Variants in CELF4 observed in about 807,000 individuals in gnomAD.
CELF4 encodes the protein CUGBP Elav-like family member 4.
A neutral mutation model predicts 59.9 loss-of-function variants in CELF4; 18 were observed. The observed-to-expected ratio is 0.30, with a 90% CI of 0.21 to 0.45. The LOEUF is 0.45. CELF4 is among the 20% of genes least tolerant of loss of function. The pLI, the probability that CELF4 is intolerant of heterozygous loss-of-function variation, is 1.00. For synonymous variants in CELF4, 261 were observed against 267.1 expected, an observed-to-expected ratio of 0.98 and a Z score of 0.22; for missense variants, 456 against 689.0, an observed-to-expected ratio of 0.66 and a Z score of 3.79.
chr18:37,565,232 C>G (rs1246224581), intron 1 of CELF4, 124 bp downstream of exon 1: 1 of 1,132,354 alleles, frequency 8.8e-7, no homozygotes, highest in African/African-American at 1.6e-5. Context: ...GAGCGCCTCC[C>G]TCCACCGCGC....
At chr18:37,477,495 T>C (rs1603642167) in intron 2 of CELF4, among the ~76,000 whole-genome samples, 1 of 152,154 alleles carries the variant, frequency 6.6e-6, no homozygotes, top group African/African-American at 2.4e-5. Context: ...TTGCAGGTGG[T>C]GGGACCTTTA....
intron 2 of CELF4, among the ~76,000 whole-genome samples, chr18:37,342,594 C>G (rs1243702803): frequency 6.6e-6 from 1 of 152,162 alleles, no homozygotes; most frequent in Non-Finnish European, 1.5e-5. Flanking sequence ...TCCACTGGGC[C>G]TCAGGTCTCC....
Position 37,491,406 on chromosome 18 carries a change from A to G in CELF4, c.287-5799T>C, listed in dbSNP as rs150819525. Reference sequence around the variant, plus strand: ...TCAGCCATGTCACCTTCTCCCACTTACCATTATTATTTACTTAATCCCTTC... The same window carrying G: ...TCAGCCATGTCACCTTCTCCCACTTGCCATTATTATTTACTTAATCCCTTC... On this transcript the variant is annotated intron_variant, in intron 1 of 12. Coordinates refer to ENST00000420428, the MANE Select transcript of CELF4 (RefSeq NM_020180.4). Among the ~76,000 whole-genome samples, 912 of 152,218 alleles carry G rather than the reference A, an allele frequency of 6.0e-3. 3 individuals are homozygous for G. Among genetic ancestry groups the G allele is most frequent in the Non-Finnish European group, 7.9e-3 (535 of 68,018 alleles).
At chr18:37,429,711 T>C (rs2099636197) in intron 2 of CELF4, among the ~76,000 whole-genome samples, 1 of 152,164 alleles carries the variant, frequency 6.6e-6, no homozygotes, top group Non-Finnish European at 1.5e-5. Context: ...CCCACTCCAT[T>C]TAAAAAATGA....
At chr18:37,478,217 C>T (rs941534294) in intron 2 of CELF4, among the ~76,000 whole-genome samples, 1 of 152,200 alleles carries the variant, frequency 6.6e-6, no homozygotes, top group Non-Finnish European at 1.5e-5. Flanking sequence ...ATCTGGCCCA[C>T]CGCCTCCTTC....
At chr18:37,278,654 G>T (rs1018544267) in intron 3 of CELF4, among the ~76,000 whole-genome samples, 1 of 152,254 alleles carries the variant, frequency 6.6e-6, no homozygotes, top group Non-Finnish European at 1.5e-5. Context: ...GTTTCTCCGT[G>T]CAGGAGGAAG....
chr18:37,363,057 CCT>C (rs1391797782), intron 2 of CELF4, among the ~76,000 whole-genome samples: 3 of 152,184 alleles, frequency 2.0e-5, no homozygotes, highest in African/African-American at 7.2e-5. Context: ...CTCTCTTCTC[CCT>C]CTCTGTCTTG....
At position 37,273,104 on chromosome 18, in the gene CELF4, G is replaced by A. The variant is rs746007664; in HGVS notation, c.861C>T (p.Pro287=). The change falls in exon 7 of 13, where the codon CCC becomes CCT. Residue 287 remains proline (P), a synonymous_variant. Transcript: ENST00000420428. Reference sequence around the variant, plus strand: ...TCTGGGCGGCAGCGAAGGCAGCCATGGGGTTCAGGTAGCCGCCCTGCGCGA... The same window carrying A: ...TCTGGGCGGCAGCGAAGGCAGCCATAGGGTTCAGGTAGCCGCCCTGCGCGA... ...ASVAQGGYLN[P]MAAFAAAQMQ... is the part of the protein sequence containing the mutation. The A allele has an allele frequency of 1.2e-6, 2 of 1,613,544 alleles. No homozygotes were observed. The highest frequency in any genetic ancestry group is 1.7e-6 in the Non-Finnish European group (2 of 1,179,952).
chr18:37,518,800 A>C (rs1333751095), intron 1 of CELF4, among the ~76,000 whole-genome samples: 1 of 152,236 alleles, frequency 6.6e-6, no homozygotes, highest in Non-Finnish European at 1.5e-5. Flanking sequence ...GGGATGGCCC[A>C]GTGTGGTTCC....
intron 6 of CELF4, chr18:37,273,786 G>A (rs1394085730): frequency 7.1e-6 from 7 of 988,816 alleles, no homozygotes; most frequent in Non-Finnish European, 8.4e-6. Flanking sequence ...AGGCAGCTCC[G>A]GGAGAGGCTG....
chr18:37,287,284 C>T (rs2094886814), intron 3 of CELF4, among the ~76,000 whole-genome samples: 1 of 152,244 alleles, frequency 6.6e-6, no homozygotes, highest in Non-Finnish European at 1.5e-5. Flanking sequence ...TCTCCTCAGG[C>T]ACTGCGTCCC....
intron 2 of CELF4, among the ~76,000 whole-genome samples, chr18:37,425,076 T>C (rs974481174): frequency 5.3e-5 from 8 of 152,212 alleles, no homozygotes; most frequent in Admixed American, 1.3e-4. Context: ...GGGACCCAAT[T>C]GTCATTTGTG....
chr18:37,367,690 TC>T (rs2098802913), intron 2 of CELF4, among the ~76,000 whole-genome samples: 1 of 150,074 alleles, frequency 6.7e-6, no homozygotes. Flanking sequence ...TTTTTTCTTT[TC>T]TTTCTTTTTT....
intron 1 of CELF4, among the ~76,000 whole-genome samples, chr18:37,558,393 T>G (rs1377915702): frequency 6.6e-6 from 1 of 151,686 alleles, no homozygotes; most frequent in Non-Finnish European, 1.5e-5. Flanking sequence ...TTTTTTTTTT[T>G]TTTTTTTTCC....
intron 1 of CELF4, among the ~76,000 whole-genome samples, chr18:37,511,855 C>T (rs2099944712): frequency 6.6e-6 from 1 of 152,110 alleles, no homozygotes; most frequent in African/African-American, 2.4e-5. Context: ...TCCTACCATG[C>T]TTACCCCAAG....
intron 3 of CELF4, among the ~76,000 whole-genome samples, chr18:37,315,322 G>A (rs2096830135): frequency 6.6e-6 from 1 of 152,074 alleles, no homozygotes; most frequent in Admixed American, 6.5e-5. Flanking sequence ...ACACAGACAA[G>A]ATGAGCACGG....
At chr18:37,381,476 G>C (rs560223991) in intron 2 of CELF4, among the ~76,000 whole-genome samples, 9 of 152,232 alleles carry the variant, frequency 5.9e-5, no homozygotes, top group Non-Finnish European at 1.0e-4. Flanking sequence ...AAGGCAGGAA[G>C]CTCCTTGAGG....
At chr18:37,265,595 T>C (rs978999655) in intron 9 of CELF4, among the ~76,000 whole-genome samples, 7 of 152,084 alleles carry the variant, frequency 4.6e-5, no homozygotes, top group African/African-American at 1.7e-4. Context: ...AGGACTGAGT[T>C]GGATAAACCT....
intron 2 of CELF4, among the ~76,000 whole-genome samples, chr18:37,375,949 T>C (rs888215277): frequency 3.3e-5 from 5 of 152,318 alleles, no homozygotes; most frequent in African/African-American, 9.6e-5. Flanking sequence ...ACTTTATTAC[T>C]GGGTAACTAG....
Sources: allele counts gnomAD v4.1 joint callset (sites outside exome capture counted in the v4.1 genomes callset), GRCh38; gene constraint gnomAD v4.1.1; transcripts MANE v1.5; gene names NCBI Gene and HGNC (gene_info 2026-07-23, HGNC 2026-07-21).